Variants in IQGAP2 observed in about 807,000 individuals in gnomAD.
IQGAP2 encodes ras GTPase-activating-like protein IQGAP2.
Under a neutral mutation model 201.3 loss-of-function variants are expected in IQGAP2, and 173 were observed. The observed-to-expected ratio is 0.86, with a 90% confidence interval of 0.76 to 0.98. IQGAP2 has a LOEUF of 0.98. Ranked by LOEUF, IQGAP2 falls within the 50% of genes least tolerant of loss-of-function variation. IQGAP2 has a pLI of 0.00. For synonymous variants in IQGAP2, 675 were observed against 673.9 expected (o/e 1.00, Z -0.03); for missense variants, 1,687 against 1,864.8 (o/e 0.90, Z 1.76).
At chr5:76,522,044 C>T (rs1758712296) in intron 2 of IQGAP2, among the ~76,000 whole-genome samples, 1 of 152,000 alleles carries the variant, frequency 6.6e-6, no homozygotes, top group Non-Finnish European at 1.5e-5. Context: ...TGGATTTGTT[C>T]TCAAGTTATT....
chr5:76,696,441 C>T (rs1352540852), intron 32 of IQGAP2, among the ~76,000 whole-genome samples: 1 of 152,172 alleles, frequency 6.6e-6, no homozygotes, highest in Non-Finnish European at 1.5e-5. Flanking sequence ...CAACTTAGTG[C>T]AATGAAACAT....
At chr5:76,658,749 T>C in intron 21 of IQGAP2, 82 bp downstream of exon 21, 1 of 1,197,954 alleles carries the variant, frequency 8.3e-7, no homozygotes, top group African/African-American at 1.5e-5. Context: ...ATGACAGGGA[T>C]ACATTCTCAG....
chr5:76,464,507 A>T (rs778241304), intron 2 of IQGAP2, among the ~76,000 whole-genome samples: 2 of 152,168 alleles, frequency 1.3e-5, no homozygotes, highest in Non-Finnish European at 2.9e-5. Flanking sequence ...TTCTGATTTC[A>T]GTTGAAATGA....
At chr5:76,656,413 C>T (rs1742719006) in intron 20 of IQGAP2, among the ~76,000 whole-genome samples, 1 of 152,004 alleles carries the variant, frequency 6.6e-6, no homozygotes. Context: ...AATCTCCTGA[C>T]CTTGTGGTCC....
intron 2 of IQGAP2, among the ~76,000 whole-genome samples, chr5:76,493,305 C>G (rs1212894103): frequency 2.0e-5 from 3 of 151,642 alleles, no homozygotes; most frequent in African/African-American, 7.3e-5. Flanking sequence ...GGCCTCATCT[C>G]CTGCTCAGCC....
chr5:76,493,823 C>T (rs1438533349), intron 2 of IQGAP2, among the ~76,000 whole-genome samples: 1 of 152,152 alleles, frequency 6.6e-6, no homozygotes, highest in Admixed American at 6.5e-5. Context: ...AACTTTTCCC[C>T]ACTACCAAGT....
chr5:76,614,393 A>G (rs1561511214), intron 13 of IQGAP2, among the ~76,000 whole-genome samples: 1 of 152,174 alleles, frequency 6.6e-6, no homozygotes, highest in East Asian at 1.9e-4. Context: ...GAGGTTTGAA[A>G]TATACTGGCA....
intron 1 of IQGAP2, among the ~76,000 whole-genome samples, chr5:76,454,305 T>A (rs1179244587): frequency 6.6e-6 from 1 of 151,900 alleles, no homozygotes; most frequent in African/African-American, 2.4e-5. Context: ...TTAATTATTA[T>A]TATACTTTAA....
At chr5:76,662,845 C>T (rs952831553) in intron 21 of IQGAP2, among the ~76,000 whole-genome samples, 1 of 152,076 alleles carries the variant, frequency 6.6e-6, no homozygotes, top group Non-Finnish European at 1.5e-5. Flanking sequence ...AAAATGTTAT[C>T]GGAATGTAAA....
At chr5:76,533,701 C>T (rs1293698645) in intron 2 of IQGAP2, among the ~76,000 whole-genome samples, 2 of 152,066 alleles carry the variant, frequency 1.3e-5, no homozygotes, top group Non-Finnish European at 2.9e-5. Flanking sequence ...CCACACCTGG[C>T]TAATTTTTTG....
At chr5:76,707,083 C>A (rs937042003) in intron 35 of IQGAP2, 117 bp from the exon 36 acceptor site, 1 of 641,622 alleles carries the variant, frequency 1.6e-6, no homozygotes. Flanking sequence ...ATAGTTAGAC[C>A]CCACCCAGGT....
intron 33 of IQGAP2, 46 bp from the exon 34 acceptor site, chr5:76,701,030 T>C: frequency 6.2e-7 from 1 of 1,604,836 alleles, no homozygotes; most frequent in South Asian, 1.1e-5. Flanking sequence ...CAGAAGCCTC[T>C]GCATTTGCCA....
intron 18 of IQGAP2, among the ~76,000 whole-genome samples, 156 bp from the exon 19 acceptor site, chr5:76,654,042 CTT>C (rs1752716091): frequency 6.6e-6 from 1 of 152,182 alleles, no homozygotes; most frequent in African/African-American, 2.4e-5. Flanking sequence ...GAAGAGTAGG[CTT>C]TAGAGATTGA....
chr5:76,651,708 G>T (rs1752528972), intron 17 of IQGAP2, among the ~76,000 whole-genome samples: 1 of 152,038 alleles, frequency 6.6e-6, no homozygotes, highest in Non-Finnish European at 1.5e-5. Context: ...CTTCCTGTGA[G>T]TCGATGATTC....
chr5:76,658,737 T>A, intron 21 of IQGAP2, 70 bp downstream of exon 21: 1 of 1,285,892 alleles, frequency 7.8e-7, no homozygotes, highest in Non-Finnish European at 1.1e-6. Context: ...AAGAGTCACT[T>A]AATGACAGGG....
At chr5:76,702,291 A>G (rs909625415) in intron 34 of IQGAP2, among the ~76,000 whole-genome samples, 191 bp from the exon 35 acceptor site, 26 of 152,232 alleles carry the variant, frequency 1.7e-4, no homozygotes, top group African/African-American at 6.3e-4. Flanking sequence ...GATCTCAACA[A>G]TAGCCATCAA....
intron 27 of IQGAP2, 179 bp from the exon 28 acceptor site, chr5:76,677,039 G>C: frequency 1.7e-6 from 1 of 574,510 alleles, no homozygotes; most frequent in Non-Finnish European, 3.0e-6. Flanking sequence ...CCAATATCCA[G>C]AAACATGGAT....
chr5:76,514,604 C>T (rs1167182419), intron 2 of IQGAP2, among the ~76,000 whole-genome samples: 1 of 152,224 alleles, frequency 6.6e-6, no homozygotes, highest in East Asian at 1.9e-4. Context: ...TCGGTTTCTC[C>T]ATCACCTGCA....
intron 2 of IQGAP2, among the ~76,000 whole-genome samples, chr5:76,545,110 T>C (rs1034948525): frequency 2.0e-5 from 3 of 152,196 alleles, no homozygotes; most frequent in African/African-American, 7.2e-5. Context: ...AACTATACAA[T>C]TGTTACACTG....
Sources: gnomAD v4.1 joint callset for allele counts (sites outside exome capture counted in the v4.1 genomes callset) on GRCh38, gnomAD v4.1.1 for gene constraint, MANE v1.5 for transcripts, NCBI Gene and HGNC (gene_info 2026-07-23, HGNC 2026-07-21) for gene names.